The following RBFOX1 variants were observed in gnomAD, a reference collection of about 807,000 sequenced individuals.
RBFOX1 encodes the protein RNA binding protein fox-1 homolog 1.
Under a neutral mutation model 57.7 loss-of-function variants are expected in RBFOX1, and 8 were observed. The ratio of observed to expected loss-of-function variants is 0.14; its 90% CI spans 0.08 to 0.25. The LOEUF (loss-of-function observed/expected upper bound fraction) is 0.25. Among genes scored for constraint, RBFOX1 ranks in the 10% least tolerant of loss-of-function variants. RBFOX1 has a pLI of 1.00. For synonymous variants in RBFOX1, 326 were observed against 222.4 expected (o/e 1.47, Z -4.15); for missense variants, 611 against 548.5 (o/e 1.11, Z -1.14).
intron 2 of RBFOX1, among the ~76,000 whole-genome samples, chr16:5,576,616 G>T (rs763028433): frequency 6.6e-6 from 1 of 152,220 alleles, no homozygotes. Flanking sequence ...TAGGAGAAGT[G>T]CCAAAGTCCA....
chr16:6,596,356 A>G (rs1216367130), intron 2 of RBFOX1, among the ~76,000 whole-genome samples: 1 of 152,204 alleles, frequency 6.6e-6, no homozygotes, highest in Non-Finnish European at 1.5e-5. Flanking sequence ...AGCACCATTC[A>G]TTGAAAATCC....
At chr16:5,893,104 G>A (rs8062803) in intron 4 of RBFOX1, among the ~76,000 whole-genome samples, 41,917 of 152,144 alleles carry the variant, frequency 0.28, 5,954 homozygotes, top group South Asian at 0.43. Context: ...GTGTATGCAA[G>A]TTTGGCATTT....
At chr16:6,305,266 T>C (rs1210080940) in intron 1 of RBFOX1, among the ~76,000 whole-genome samples, 1 of 152,204 alleles carries the variant, frequency 6.6e-6, no homozygotes, top group South Asian at 2.1e-4. Context: ...TGAGAACACG[T>C]ACCAATACTA....
At chr16:5,361,683 C>T (rs189019022) in intron 1 of RBFOX1, among the ~76,000 whole-genome samples, 3 of 152,290 alleles carry the variant, frequency 2.0e-5, no homozygotes, top group Non-Finnish European at 4.4e-5. Flanking sequence ...AGATGGTTGC[C>T]GAGCAGTCAA....
intron 3 of RBFOX1, among the ~76,000 whole-genome samples, chr16:5,725,066 A>G (rs768300294): frequency 6.6e-6 from 1 of 152,068 alleles, no homozygotes; most frequent in East Asian, 1.9e-4. Context: ...CCAGTGGATA[A>G]TGAGGGTGTG....
At chr16:5,921,471 C>A (rs753251080) in intron 4 of RBFOX1, among the ~76,000 whole-genome samples, 34 of 152,124 alleles carry the variant, frequency 2.2e-4, no homozygotes, top group Non-Finnish European at 3.4e-4. Flanking sequence ...AGAATCTTAT[C>A]TGACTTGACT....
chr16:7,394,325 CTG>C (rs1261680443), intron 4 of RBFOX1, among the ~76,000 whole-genome samples: 1 of 147,592 alleles, frequency 6.8e-6, no homozygotes, highest in Non-Finnish European at 1.5e-5. Context: ...AGAGGGATTG[CTG>C]TATAAATAAT....
chr16:7,369,702 G>T (rs576141458), intron 4 of RBFOX1, among the ~76,000 whole-genome samples: 1 of 152,226 alleles, frequency 6.6e-6, no homozygotes, highest in East Asian at 1.9e-4. Context: ...ATTTGCCATG[G>T]TGTCTGATTA....
intron 3 of RBFOX1, among the ~76,000 whole-genome samples, chr16:5,674,793 T>A (rs140116297): frequency 2.0e-5 from 3 of 152,180 alleles, no homozygotes; most frequent in Non-Finnish European, 2.9e-5. Context: ...TGAAAATCTG[T>A]TGGACAGATT....
intron 4 of RBFOX1, among the ~76,000 whole-genome samples, chr16:7,066,046 A>T (rs1335772645): frequency 6.6e-6 from 1 of 152,214 alleles, no homozygotes; most frequent in East Asian, 1.9e-4. Context: ...TCCAAGGGGG[A>T]AAAAAGTTTT....
chr16:7,042,340 CTG>C (rs1408635122), intron 3 of RBFOX1, among the ~76,000 whole-genome samples: 2 of 152,192 alleles, frequency 1.3e-5, no homozygotes, highest in African/African-American at 4.8e-5. Context: ...ACCCTGGAAA[CTG>C]TGTACAATGG....
chr16:7,022,048 C>CT, intron 3 of RBFOX1, among the ~76,000 whole-genome samples: 1 of 93,666 alleles, frequency 1.1e-5, no homozygotes, highest in Non-Finnish European at 2.1e-5. Context: ...CCTTCCCCCT[C>CT]CCCTTCCCCC....
intron 1 of RBFOX1, among the ~76,000 whole-genome samples, chr16:5,343,185 A>C (rs1332371956): frequency 6.6e-6 from 1 of 152,216 alleles, no homozygotes; most frequent in Non-Finnish European, 1.5e-5. Flanking sequence ...GATGGGAGAC[A>C]AAGATAGAGT....
intron 3 of RBFOX1, among the ~76,000 whole-genome samples, chr16:6,952,755 A>T (rs995321309): frequency 7.9e-5 from 12 of 152,114 alleles, no homozygotes; most frequent in African/African-American, 2.9e-4. Flanking sequence ...AAGCGGGCGG[A>T]TCACGAGGTC....
intron 1 of RBFOX1, among the ~76,000 whole-genome samples, chr16:6,154,090 G>C (rs1323638241): frequency 6.6e-5 from 10 of 152,196 alleles, no homozygotes; most frequent in Admixed American, 6.5e-4. Context: ...GATTCACACA[G>C]GAAGGGTTTT....
intron 5 of RBFOX1, among the ~76,000 whole-genome samples, chr16:7,568,797 G>C (rs1347214632): frequency 2.1e-5 from 3 of 140,150 alleles, no homozygotes; most frequent in Non-Finnish European, 3.0e-5. Context: ...TGAGGCAGGA[G>C]AATGGCGTGA....
At chr16:5,499,661 C>T (rs975745022) in intron 2 of RBFOX1, among the ~76,000 whole-genome samples, 1 of 151,884 alleles carries the variant, frequency 6.6e-6, no homozygotes, top group Non-Finnish European at 1.5e-5. Flanking sequence ...CAGTCTCCAT[C>T]TCCCGGGTTC....
In RBFOX1 at chr16:6,167,515, C is replaced by G. The variant is rs77416697; in HGVS notation, c.-127+147523C>G. On this transcript the variant is annotated intron_variant, in intron 1 of 15. Transcript: ENST00000550418. ...TTTTTTGTTTAACGGTTTTATTACT[C>G]TTTGTTTTGGGGACTGACAAATTTT... Among the ~76,000 whole-genome samples, 1,518 of 152,234 alleles carry G rather than the reference C, an allele frequency of 1.0e-2. 22 individuals are homozygous for G. Among genetic ancestry groups the G allele is most frequent in the African/African-American group, 0.034 (1,433 of 41,546 alleles).
At chr16:6,687,279 C>A (rs1485970113) in intron 3 of RBFOX1, among the ~76,000 whole-genome samples, 1 of 152,006 alleles carries the variant, frequency 6.6e-6, no homozygotes, top group African/African-American at 2.4e-5. Context: ...ACTTTGGATA[C>A]TCAGAAGGGG....
Sources: gnomAD v4.1 joint callset for allele counts (sites outside exome capture counted in the v4.1 genomes callset) on GRCh38, gnomAD v4.1.1 for gene constraint, MANE v1.5 for transcripts, NCBI Gene and HGNC (gene_info 2026-07-23, HGNC 2026-07-21) for gene names.